The following ASCC3 variants were observed in gnomAD, a reference collection of about 807,000 sequenced individuals.
ASCC3 encodes activating signal cointegrator 1 complex subunit 3, also known as ASC-1 complex subunit P200.
Under a neutral mutation model 256.3 loss-of-function variants are expected in ASCC3, and 158 were observed. The ratio of observed to expected loss-of-function variants is 0.62; its 90% confidence interval spans 0.54 to 0.70. The LOEUF (loss-of-function observed/expected upper bound fraction) is 0.70, where lower values mean the gene tolerates loss of function less well. ASCC3 is among the 30% of genes least tolerant of loss of function. ASCC3 has a pLI of 0.00. For missense variants in ASCC3, 2,259 were observed against 2,626.0 expected (o/e 0.86, Z 3.05); for synonymous variants, 948 against 883.4 (o/e 1.07, Z -1.30).
chr6:100,804,867 G>C (rs1225571593), intron 5 of ASCC3, among the ~76,000 whole-genome samples: 1 of 152,156 alleles, frequency 6.6e-6, no homozygotes, highest in Non-Finnish European at 1.5e-5. Flanking sequence ...GCTTAAGACA[G>C]AGTTACCATT....
intron 4 of ASCC3, among the ~76,000 whole-genome samples, chr6:100,829,769 T>C (rs1384653741): frequency 1.3e-5 from 2 of 152,204 alleles, no homozygotes; most frequent in African/African-American, 2.4e-5. Flanking sequence ...TTTTCCTATA[T>C]ATACATGATA....
intron 4 of ASCC3, among the ~76,000 whole-genome samples, chr6:100,827,362 A>G (rs943977006): frequency 2.6e-5 from 4 of 152,146 alleles, no homozygotes; most frequent in African/African-American, 9.7e-5. Context: ...ATCCCTGGAA[A>G]CCATTTATTT....
chr6:100,517,223 CT>C (rs1415209251), intron 38 of ASCC3, among the ~76,000 whole-genome samples: 4 of 152,202 alleles, frequency 2.6e-5, no homozygotes, highest in African/African-American at 9.6e-5. Flanking sequence ...GCCTGAGGTT[CT>C]TGTTGGCATC....
chr6:100,597,931 G>A (rs371509340), intron 34 of ASCC3, among the ~76,000 whole-genome samples: 40 of 143,322 alleles, frequency 2.8e-4, no homozygotes, highest in Middle Eastern at 4.0e-3. Flanking sequence ...CCGAGATAGC[G>A]CCACTGCACT....
At chr6:100,557,039 A>C (rs1441292504) in intron 36 of ASCC3, among the ~76,000 whole-genome samples, 1 of 152,170 alleles carries the variant, frequency 6.6e-6, no homozygotes, top group Non-Finnish European at 1.5e-5. Flanking sequence ...CATGATGAAC[A>C]CAAGATTTTA....
intron 13 of ASCC3, among the ~76,000 whole-genome samples, chr6:100,701,224 A>G (rs1778338033): frequency 6.6e-6 from 1 of 152,218 alleles, no homozygotes; most frequent in Non-Finnish European, 1.5e-5. Context: ...AAAACAAATT[A>G]TATAAAACAA....
intron 4 of ASCC3, among the ~76,000 whole-genome samples, chr6:100,820,839 T>A (rs115113642): frequency 2.6e-5 from 4 of 152,158 alleles, no homozygotes; most frequent in Non-Finnish European, 2.9e-5. Context: ...AATTTCTGCA[T>A]GGACTATACA....
intron 8 of ASCC3, among the ~76,000 whole-genome samples, chr6:100,797,595 T>C (rs1298142111): frequency 6.6e-6 from 1 of 152,080 alleles, no homozygotes; most frequent in Non-Finnish European, 1.5e-5. Context: ...ATTATAATTG[T>C]TTAGTTTTAT....
intron 30 of ASCC3, among the ~76,000 whole-genome samples, chr6:100,624,692 A>C (rs938909214): frequency 2.6e-5 from 4 of 152,006 alleles, no homozygotes; most frequent in African/African-American, 9.7e-5. Context: ...ATAAGGATGC[A>C]TGATTATTAA....
chr6:100,725,652 C>G lies in ASCC3; in HGVS notation c.1789G>C (p.Gly597Arg). Residue 597 changes from glycine to arginine, a missense_variant, in exon 11 of 42, where the codon GGG becomes CGG. Coordinates refer to ENST00000369162, the MANE Select transcript of ASCC3 (RefSeq NM_006828.4). ...ACAATCTGGGAAAGAGCTACATCCC[C>G]AACACTCTTTCTTGTCACTACATCC... is the stretch of plus-strand genomic sequence containing the variant. Reference protein sequence around the residue: ...KWDVVTRKSVGDVALSQIVRL... With the variant: ...KWDVVTRKSVRDVALSQIVRL... The G allele has an allele frequency of 6.2e-7, 1 of 1,612,660 alleles. No homozygotes were observed. Among genetic ancestry groups the G allele is most frequent in the Middle Eastern group, 1.7e-4 (1 of 6,046 alleles).
chr6:100,807,221 G>C (rs1252065934), intron 4 of ASCC3, among the ~76,000 whole-genome samples: 1 of 151,822 alleles, frequency 6.6e-6, no homozygotes, highest in Non-Finnish European at 1.5e-5. Flanking sequence ...AAACAGCAGA[G>C]GAAGCAGTAA....
intron 8 of ASCC3, among the ~76,000 whole-genome samples, chr6:100,770,531 T>TAAAAA (rs915695469): frequency 6.6e-6 from 1 of 151,634 alleles, no homozygotes; most frequent in African/African-American, 2.4e-5. Flanking sequence ...GTCATTAATA[T>TAAAAA]AAAAAAGGAA....
At chr6:100,835,171 A>C (rs846784) in intron 4 of ASCC3, among the ~76,000 whole-genome samples, 30,053 of 151,730 alleles carry the variant, frequency 0.2, 3,248 homozygotes, top group African/African-American at 0.26. Flanking sequence ...GCATTTCAAA[A>C]ATTAGAGTTA....
intron 36 of ASCC3, among the ~76,000 whole-genome samples, chr6:100,558,275 TGTGCTAAAA>T (rs1769725510): frequency 6.6e-6 from 1 of 152,092 alleles, no homozygotes; most frequent in South Asian, 2.1e-4. Flanking sequence ...TATATGATTG[TGTGCTAAAA>T]GTTAAACCCA....
chr6:100,661,994 C>T lies in ASCC3; in HGVS notation c.2515G>A (p.Val839Ile). The change falls in exon 16 of 42, where the codon GTT becomes ATT. Residue 839 changes from valine to isoleucine, a missense_variant. Val to Ile is a conservative substitution (Grantham distance 29). This residue lies in a region of ASCC3 where 1,839 missense variants were observed against 2,206.7 expected (regional missense o/e 0.83). Transcript: ENST00000369162. ...ATGACATCTAAAATTCCAAGGTCAA[C>T]AAAGGAGCCTCTTTTTGCAGCATAT... ...QIYAAKRGSFVDLGILDVMQI... is the reference protein window; with the variant it reads ...QIYAAKRGSFIDLGILDVMQI... 6.2e-7 allele frequency: 1 copy of T among 1,613,270 alleles called. No individual in the cohort carries two copies. Among genetic ancestry groups the T allele is most frequent in the Non-Finnish European group, 8.5e-7 (1 of 1,179,464 alleles).
In ASCC3 at chr6:100,799,564, G is replaced by T. The variant is rs1582881379; in HGVS notation, c.1136C>A (p.Ala379Glu). 1 of 1,612,136 alleles carries T rather than the reference G, an allele frequency of 6.2e-7. No individual in the cohort carries two copies. The highest frequency in any genetic ancestry group is 8.5e-7 in the Non-Finnish European group (1 of 1,179,258). The change falls in exon 7 of 42, where the codon GCA becomes GAA. Residue 379 changes from alanine to glutamate, a missense_variant. Coordinates refer to ENST00000369162, the MANE Select transcript of ASCC3 (RefSeq NM_006828.4). The stretch of plus-strand genomic sequence containing the variant: ...TGGAACACTTCTAGCATTCAGAAGT[G>T]CCTGTTCTCTGTAAACATAAAAATA... ...PKELRIQREQ[A>E]LLNARSVPIL... is the part of the protein sequence containing the mutation.
At chr6:100,635,419 T>C (rs570324083) in intron 25 of ASCC3, among the ~76,000 whole-genome samples, 2 of 152,230 alleles carry the variant, frequency 1.3e-5, no homozygotes, top group South Asian at 2.1e-4. Flanking sequence ...AGTAGGATAT[T>C]GGTTACCAGC....
chr6:100,713,371 C>A (rs971353356), intron 13 of ASCC3, among the ~76,000 whole-genome samples: 5 of 151,896 alleles, frequency 3.3e-5, no homozygotes, highest in Non-Finnish European at 5.9e-5. Flanking sequence ...CAGAAAAAAA[C>A]AAAACTATGG....
intron 14 of ASCC3, among the ~76,000 whole-genome samples, chr6:100,666,899 A>G (rs1310725957): frequency 6.6e-6 from 1 of 152,210 alleles, no homozygotes; most frequent in East Asian, 1.9e-4. Context: ...TCAATAAGAA[A>G]CATGTATTTA....
Sources: allele counts gnomAD v4.1 joint callset (sites outside exome capture counted in the v4.1 genomes callset), GRCh38; gene constraint gnomAD v4.1.1; regional missense constraint gnomAD v4.1.1; transcripts MANE v1.5; gene names NCBI Gene and HGNC (gene_info 2026-07-23, HGNC 2026-07-21).